The following NDUFAF6 variants were observed in gnomAD, a reference collection of about 807,000 sequenced individuals.
The protein encoded by NDUFAF6 is NADH:ubiquinone oxidoreductase complex assembly factor 6, also known as NADH dehydrogenase (ubiquinone) complex I, assembly factor 6.
In NDUFAF6, 45 loss-of-function variants were observed where a neutral mutation model predicts 40.8. That is an observed-to-expected ratio of 1.10 (90% CI 0.87 to 1.42). The LOEUF is 1.42. NDUFAF6 is among the 40% of genes most tolerant of loss of function. The pLI is 0.00. For missense variants in NDUFAF6, 435 were observed against 418.5 expected (o/e 1.04, Z -0.34); for synonymous variants, 185 against 155.9 (o/e 1.19, Z -1.39).
intron 1 of NDUFAF6, among the ~76,000 whole-genome samples, chr8:95,029,820 G>A (rs1828621409): frequency 6.6e-6 from 1 of 152,140 alleles, no homozygotes; most frequent in Non-Finnish European, 1.5e-5. Flanking sequence ...ATATCAGGCA[G>A]CACATGACAT....
intron 2 of NDUFAF6, among the ~76,000 whole-genome samples, chr8:95,083,452 T>A (rs936213230): frequency 6.6e-6 from 1 of 152,238 alleles, no homozygotes; most frequent in Non-Finnish European, 1.5e-5. Flanking sequence ...TTCACATTAT[T>A]CTTGAATGTT....
rs200110275 is a variant in NDUFAF6, at chr8:94,997,338, A to C, written c.-84+16365A>C. 2.2e-5 allele frequency among the ~76,000 whole-genome samples: 3 copies of C among 139,456 alleles called. No individual in the cohort carries two copies. The South Asian group carries it at 6.9e-4, about 32-fold the overall frequency. The allele number at this position is 139,456 out of a possible 152,430, so 91.5% of individuals were successfully genotyped here. On this transcript the variant is annotated intron_variant, in intron 2 of 9. Coordinates refer to the NDUFAF6 transcript ENST00000396111. Reference sequence around the variant, plus strand: ...CACACACACACACACACACACACACACACACAGAGAGAGAGAGAGAGAGAG... The same window carrying C: ...CACACACACACACACACACACACACCCACACAGAGAGAGAGAGAGAGAGAG...
Position 95,058,588 on chromosome 8 carries a change from C to T in NDUFAF6, c.*651C>T, listed in dbSNP as rs548892781. 4 of 1,189,246 alleles carry T rather than the reference C, an allele frequency of 3.4e-6. No individual in the cohort carries two copies. In the African/African-American group the frequency reaches 4.7e-5, roughly 14 times the overall value. The allele number at this position is 1,189,246 out of a possible 1,614,324, so 73.7% of individuals were successfully genotyped here. ...TGGAAGCTTTTACTTTTTTGTTAAT[C>T]CCACTTCCTCACTCTGTCATTCAGC... is the stretch of plus-strand genomic sequence containing the variant. On this transcript the variant is annotated 3_prime_UTR_variant, in exon 9 of 9. Transcript: ENST00000396124.
At chr8:95,097,428 C>T (rs942555611), upstream of NDUFAF6, among the ~76,000 whole-genome samples, 4 of 152,094 alleles carry the variant, frequency 2.6e-5, no homozygotes, top group South Asian at 2.1e-4. Flanking sequence ...CCGGGCGCAG[C>T]GGCTCACGCC....
chr8:94,905,464 A>C (rs755824640), intron 1 of NDUFAF6, among the ~76,000 whole-genome samples: 1 of 151,964 alleles, frequency 6.6e-6, no homozygotes, highest in African/African-American at 2.4e-5. Flanking sequence ...TGAGAGGCCT[A>C]CTGTTTACTG....
Position 95,048,527 on chromosome 8 carries a change from T to G in NDUFAF6, c.785T>G (p.Ile262Ser). The G allele has an allele frequency of 1.2e-6, 2 of 1,614,164 alleles. No individual in the cohort carries two copies. The highest frequency in any genetic ancestry group is 1.7e-6 in the Non-Finnish European group (2 of 1,180,006). ...AATGTGAGAGATGTAATATATGACA[T>G]TGCCAGTCAAGCACACTTGCACCTA... ...DKNVRDVIYD[I>S]ASQAHLHLKH... is the part of the protein sequence containing the mutation. Residue 262 changes from isoleucine (I) to serine (S), a missense_variant, in exon 7 of 9, where the codon ATT becomes AGT. Ile to Ser is a moderately radical substitution (Grantham distance 142, BLOSUM62 -2). Coordinates refer to ENST00000396124, the MANE Select transcript of NDUFAF6 (RefSeq NM_152416.4).
chr8:95,093,548 G>A (rs1587267138), intron 2 of NDUFAF6, among the ~76,000 whole-genome samples: 1 of 152,166 alleles, frequency 6.6e-6, no homozygotes, highest in Admixed American at 6.5e-5. Flanking sequence ...TGTTACTTCT[G>A]TAAACTAATG....
chr8:94,973,484 A>G (rs756967849), intron 1 of NDUFAF6, among the ~76,000 whole-genome samples: 1 of 152,146 alleles, frequency 6.6e-6, no homozygotes, highest in Non-Finnish European at 1.5e-5. Context: ...TAAGGCGGGC[A>G]GATCACGAGG....
At chr8:95,011,127 G>A (rs1827211611) in intron 2 of NDUFAF6, among the ~76,000 whole-genome samples, 2 of 152,172 alleles carry the variant, frequency 1.3e-5, no homozygotes, top group African/African-American at 4.8e-5. Context: ...CACCAGCCAC[G>A]CTGCTTCCAG....
chr8:95,017,262 C>T (rs1043342368), intron 2 of NDUFAF6, among the ~76,000 whole-genome samples: 1 of 151,970 alleles, frequency 6.6e-6, no homozygotes, highest in Non-Finnish European at 1.5e-5. Flanking sequence ...TCTTAATGAG[C>T]TGTAGGCACA....
At chr8:95,087,603 C>G (rs911554440) in intron 2 of NDUFAF6, 5 of 152,262 alleles carry the variant, frequency 3.3e-5, no homozygotes, top group Non-Finnish European at 5.9e-5. Flanking sequence ...TTCCTCCTTT[C>G]CAAAAGCACT....
At chr8:95,068,233 T>C (rs1416993212) in intron 9 of NDUFAF6, 1 of 151,934 alleles carries the variant, frequency 6.6e-6, no homozygotes, top group Non-Finnish European at 1.5e-5. Context: ...TTCAGCATCT[T>C]CTTATGCATG....
chr8:95,111,584 C>G (rs1809999851), intron 4 of NDUFAF6, among the ~76,000 whole-genome samples: 1 of 152,054 alleles, frequency 6.6e-6, no homozygotes, highest in South Asian at 2.1e-4. Context: ...TAGGTAGTGC[C>G]TTGGTAAGGT....
chr8:95,091,338 C>G (rs1403725272), intron 2 of NDUFAF6, among the ~76,000 whole-genome samples: 1 of 151,956 alleles, frequency 6.6e-6, no homozygotes, highest in Non-Finnish European at 1.5e-5. Flanking sequence ...GGGGAAGAGC[C>G]TCTTATAAAA....
At chr8:94,941,935 T>C (rs2904888) in intron 1 of NDUFAF6, among the ~76,000 whole-genome samples, 10 of 151,772 alleles carry the variant, frequency 6.6e-5, no homozygotes, top group Admixed American at 1.3e-4. Flanking sequence ...TAGGTTTTTT[T>C]CCCCCACAAA....
At chr8:95,002,417 A>G (rs530767739) in intron 2 of NDUFAF6, among the ~76,000 whole-genome samples, 3 of 152,318 alleles carry the variant, frequency 2.0e-5, no homozygotes, top group Admixed American at 2.0e-4. Context: ...AACACATACA[A>G]GTCCAATTTA....
Position 95,035,573 on chromosome 8 carries a change from G to GA in NDUFAF6, c.419dup (p.Ala141GlyfsTer3), listed in dbSNP as rs1563811350. ...ATCAGCCTGTGGCCATTGAACTATGGAAGGTAAAAAAAAAAAAATACCACT... is the reference window on the plus strand; with the variant it reads ...ATCAGCCTGTGGCCATTGAACTATGGAAAGGTAAAAAAAAAAAAATACCACT... On this transcript the variant is annotated frameshift_variant, in exon 3 of 9. Coordinates refer to ENST00000396124, the MANE Select transcript of NDUFAF6 (RefSeq NM_152416.4). LOFTEE classifies it high-confidence loss of function. 1 of 1,470,710 alleles carries GA rather than the reference G, an allele frequency of 6.8e-7. No individual in the cohort carries two copies. The allele number at this position is 1,470,710 out of a possible 1,614,324, so 91.1% of individuals were successfully genotyped here.
chr8:95,053,631 CT>C (rs756938359), intron 8 of NDUFAF6, among the ~76,000 whole-genome samples: 95 of 144,364 alleles, frequency 6.6e-4, no homozygotes, highest in Admixed American at 7.6e-4. Context: ...CTTTTTCTTT[CT>C]TTTTTTTTTT....
chr8:95,060,538 A>C (rs1186785177), downstream of NDUFAF6, among the ~76,000 whole-genome samples: 4 of 152,224 alleles, frequency 2.6e-5, no homozygotes, highest in Non-Finnish European at 5.9e-5. Context: ...ACTGTAGCTA[A>C]CACTTATTGA....
Sources: gnomAD v4.1 joint callset for allele counts (sites outside exome capture counted in the v4.1 genomes callset) on GRCh38, gnomAD v4.1.1 for gene constraint, MANE v1.5 for transcripts, NCBI Gene and HGNC (gene_info 2026-07-23, HGNC 2026-07-21) for gene names.